Variants in ZNF592 observed in about 807,000 individuals in gnomAD.
ZNF592 encodes zinc finger protein 592, also known as spinocerebellar ataxia, autosomal recessive 5.
Under a neutral mutation model 80.3 loss-of-function variants are expected in ZNF592, and 11 were observed. The observed-to-expected ratio is 0.14, with a 90% CI of 0.09 to 0.23. The LOEUF (loss-of-function observed/expected upper bound fraction) is 0.23. ZNF592 is among the 10% of genes least tolerant of loss of function. The pLI, the probability that ZNF592 is intolerant of heterozygous loss-of-function variation, is 1.00. For missense variants in ZNF592, 1,420 were observed against 1,633.9 expected, an observed-to-expected ratio of 0.87 and a Z score of 2.26; for synonymous variants, 646 against 640.3, an observed-to-expected ratio of 1.01 and a Z score of -0.13.
chr15:84,763,880 A>G (rs1344390922), intron 1 of ZNF592, among the ~76,000 whole-genome samples: 1 of 152,220 alleles, frequency 6.6e-6, no homozygotes, highest in African/African-American at 2.4e-5. Flanking sequence ...ACGCTAGTCA[A>G]TTAAATCTGA....
chr15:84,782,065 A>G (rs1191482984), intron 3 of ZNF592, among the ~76,000 whole-genome samples: 2 of 152,226 alleles, frequency 1.3e-5, no homozygotes, highest in East Asian at 3.8e-4. Context: ...AAAAGGAATC[A>G]AGTGTGTCTG....
intron 5 of ZNF592, among the ~76,000 whole-genome samples, 167 bp from the exon 6 acceptor site, chr15:84,797,702 G>C (rs1962956917): frequency 6.6e-6 from 1 of 152,204 alleles, no homozygotes; most frequent in Non-Finnish European, 1.5e-5. Context: ...GTAGCAAGCA[G>C]ACCCTCAGGA....
chr15:84,768,904 T>G (rs1413475348), intron 2 of ZNF592, among the ~76,000 whole-genome samples: 1 of 152,250 alleles, frequency 6.6e-6, no homozygotes, highest in East Asian at 1.9e-4. Context: ...ACAATCTTAA[T>G]TCTGGACAAA....
At chr15:84,795,741 T>C (rs1312452076) in intron 5 of ZNF592, among the ~76,000 whole-genome samples, 1 of 152,204 alleles carries the variant, frequency 6.6e-6, no homozygotes, top group Non-Finnish European at 1.5e-5. Context: ...ATTAAGTAAG[T>C]AACTTGAATA....
At chr15:84,756,805 G>C (rs763862529) in intron 1 of ZNF592, among the ~76,000 whole-genome samples, 7 of 151,934 alleles carry the variant, frequency 4.6e-5, no homozygotes, top group Non-Finnish European at 1.0e-4. Context: ...AGGCTCAAAC[G>C]ATCCTCCCTT....
chr15:84,802,446 C>T lies in ZNF592; in HGVS notation c.*53C>T, dbSNP rs1056021250. 5.3e-5 allele frequency: 84 copies of T among 1,598,844 alleles called. No homozygotes were observed. Among genetic ancestry groups the T allele is most frequent in the Middle Eastern group, 3.4e-4 (2 of 5,878 alleles). On this transcript the variant is annotated 3_prime_UTR_variant, in exon 11 of 11. Coordinates refer to ENST00000560079, the MANE Select transcript of ZNF592 (RefSeq NM_014630.3). The stretch of plus-strand genomic sequence containing the variant: ...GGGGTGGTGCCGAAGTGTCTTCCAC[C>T]TGCCCTGCGGACCGTGGAAAATAAA...
intron 3 of ZNF592, among the ~76,000 whole-genome samples, chr15:84,781,465 T>C (rs1432754853): frequency 6.6e-6 from 1 of 152,128 alleles, no homozygotes; most frequent in African/African-American, 2.4e-5. Context: ...TTTTAAATAA[T>C]GCTGTAACAT....
At position 84,784,581 on chromosome 15, in the gene ZNF592, G is replaced by A; in HGVS notation, c.1906G>A (p.Ala636Thr). 6.2e-7 allele frequency: 1 copy of A among 1,614,186 alleles called. No homozygotes were observed. Among genetic ancestry groups the A allele is most frequent in the Non-Finnish European group, 8.5e-7 (1 of 1,180,024 alleles). The stretch of plus-strand genomic sequence containing the variant: ...CAACAAGTGCAGCCTGCTCCGGCAC[G>A]CCCGTGACCACAAGAGCAAGGGGCT... ...FFNKCSLLRH[A>T]RDHKSKGLVM... Residue 636 changes from alanine (A) to threonine (T), a missense_variant, in exon 4 of 11, where the codon GCC (alanine) becomes ACC (threonine). By Grantham distance (58) the Ala-to-Thr change is moderately conservative. Around this residue, in one of 7 missense-constraint regions of ZNF592, gnomAD observed 524 missense variants for 628.3 expected, o/e 0.83. Coordinates refer to ENST00000560079, the MANE Select transcript of ZNF592 (RefSeq NM_014630.3). This position sits in a 1 kb window ranked among gnomAD's most constrained non-coding sequence, Gnocchi z 5.8.
At chr15:84,779,832 G>A (rs574653045) in intron 3 of ZNF592, among the ~76,000 whole-genome samples, 2 of 152,158 alleles carry the variant, frequency 1.3e-5, no homozygotes, top group African/African-American at 4.8e-5. Context: ...TCAAGCCTCT[G>A]CAACTTCATA....
intron 2 of ZNF592, among the ~76,000 whole-genome samples, chr15:84,768,301 G>A (rs1442054501): frequency 6.1e-5 from 9 of 146,692 alleles, no homozygotes; most frequent in African/African-American, 1.3e-4. Flanking sequence ...GCAGTGGCGC[G>A]ATCCCAGCTC....
chr15:84,756,699 A>C (rs1034201643), intron 1 of ZNF592, among the ~76,000 whole-genome samples: 11 of 152,234 alleles, frequency 7.2e-5, no homozygotes, highest in Admixed American at 6.5e-4. Flanking sequence ...TTAATACTTT[A>C]TTAAGGCTAT....
chr15:84,784,379 T>C lies in ZNF592; in HGVS notation c.1704T>C (p.Tyr568=), dbSNP rs780220929. ...ACAGCTCCAACCCCGTGCCCCTCTATGCGCCAAATCTCAGCCCGCCTGCGG... is the reference window on the plus strand; with the variant it reads ...ACAGCTCCAACCCCGTGCCCCTCTACGCGCCAAATCTCAGCCCGCCTGCGG... ...VLHSSNPVPL[Y]APNLSPPADS... is the part of the protein sequence containing the mutation. Residue 568 remains tyrosine (Y), a synonymous_variant, in exon 4 of 11, where the codon TAT becomes TAC. Coordinates refer to ENST00000560079, the MANE Select transcript of ZNF592 (RefSeq NM_014630.3). This position sits in a 1 kb window ranked among gnomAD's most constrained non-coding sequence, Gnocchi z 5.8. The C allele has an allele frequency of 9.3e-6, 15 of 1,614,184 alleles. No individual in the cohort carries two copies. The East Asian group carries it at 3.1e-4, about 34-fold the overall frequency.
At chr15:84,796,717 A>AG (rs2141520909) in intron 5 of ZNF592, among the ~76,000 whole-genome samples, 2 of 151,792 alleles carry the variant, frequency 1.3e-5, no homozygotes, top group East Asian at 3.9e-4. Context: ...TAAAAAAAAA[A>AG]TCCACCAAAT....
At chr15:84,755,029 G>A (rs562483382) in intron 1 of ZNF592, among the ~76,000 whole-genome samples, 1 of 145,864 alleles carries the variant, frequency 6.9e-6, no homozygotes, top group Admixed American at 6.9e-5. Context: ...GCAGTGGTGC[G>A]ATCTCAGCTC....
At chr15:84,781,579 A>G (rs957863085) in intron 3 of ZNF592, among the ~76,000 whole-genome samples, 12 of 152,194 alleles carry the variant, frequency 7.9e-5, no homozygotes, top group Non-Finnish European at 1.2e-4. Flanking sequence ...CTATGAAGCT[A>G]CCATACTGCT....
intron 3 of ZNF592, among the ~76,000 whole-genome samples, chr15:84,780,128 A>G (rs1282435484): frequency 1.3e-5 from 2 of 151,928 alleles, no homozygotes; most frequent in African/African-American, 2.4e-5. Flanking sequence ...ATGGTACTAC[A>G]GGCGTGTGCC....
chr15:84,774,250 C>A (rs1013368705), intron 2 of ZNF592, among the ~76,000 whole-genome samples: 1 of 152,180 alleles, frequency 6.6e-6, no homozygotes, highest in Non-Finnish European at 1.5e-5. Context: ...TTTATTGCTT[C>A]TACAAATACT....
In ZNF592 at chr15:84,784,397, G is replaced by T. The variant is rs770802697; in HGVS notation, c.1722G>T (p.Pro574=). The T allele has an allele frequency of 6.2e-7, 1 of 1,614,174 alleles. No individual in the cohort carries two copies. The highest frequency in any genetic ancestry group is 8.5e-7 in the Non-Finnish European group (1 of 1,180,032). ...PVPLYAPNLS[P]PADSRIHVPA... ...CCCTCTATGCGCCAAATCTCAGCCCGCCTGCGGACAGCAGGATCCACGTGC... is the reference window on the plus strand; with the variant it reads ...CCCTCTATGCGCCAAATCTCAGCCCTCCTGCGGACAGCAGGATCCACGTGC... The change falls in exon 4 of 11, where the codon CCG becomes CCT. Residue 574 remains proline (P), a synonymous_variant. Coordinates refer to ENST00000560079, the MANE Select transcript of ZNF592 (RefSeq NM_014630.3). The surrounding 1 kb of genome is among the most constrained non-coding windows in gnomAD (Gnocchi z 5.8).
intron 1 of ZNF592, among the ~76,000 whole-genome samples, chr15:84,762,273 A>T (rs1211481212): frequency 1.3e-5 from 2 of 152,216 alleles, no homozygotes; most frequent in Non-Finnish European, 2.9e-5. Flanking sequence ...GAAAAGTGTT[A>T]TGGAGAAAAA....
Sources: gnomAD v4.1 joint callset for allele counts (sites outside exome capture counted in the v4.1 genomes callset) on GRCh38, gnomAD v4.1.1 for gene constraint, gnomAD v4.1.1 regional missense constraint, Gnocchi (gnomAD v3.1) non-coding constraint, MANE v1.5 for transcripts, NCBI Gene and HGNC (gene_info 2026-07-23, HGNC 2026-07-21) for gene names.